The following ATF1 variants were observed in gnomAD, a reference collection of about 807,000 sequenced individuals.
ATF1 encodes the protein cyclic AMP-dependent transcription factor ATF-1.
A neutral mutation model predicts 34.7 loss-of-function variants in ATF1; 16 were observed. The observed-to-expected ratio is 0.46, with a 90% confidence interval of 0.31 to 0.70. The LOEUF is 0.70. ATF1 is among the 30% of genes least tolerant of loss of function. The pLI is 0.05. For synonymous variants in ATF1, 105 were observed against 113.1 expected, an observed-to-expected ratio of 0.93 and a Z score of 0.46; for missense variants, 255 against 321.6, an observed-to-expected ratio of 0.79 and a Z score of 1.58.
intron 3 of ATF1, among the ~76,000 whole-genome samples, chr12:50,808,319 T>G (rs781486613): frequency 4.6e-5 from 7 of 151,930 alleles, no homozygotes; most frequent in Admixed American, 1.3e-4. Flanking sequence ...GTTTTATTGT[T>G]TTTTTTTGTT....
intron 2 of ATF1, among the ~76,000 whole-genome samples, chr12:50,788,005 G>A (rs1941221394): frequency 2.0e-5 from 3 of 152,156 alleles, no homozygotes; most frequent in Non-Finnish European, 2.9e-5. Flanking sequence ...ATGAGTCAAT[G>A]GATCTGGGCT....
At chr12:50,817,585 A>G (rs1289872621) in intron 6 of ATF1, among the ~76,000 whole-genome samples, 1 of 152,188 alleles carries the variant, frequency 6.6e-6, no homozygotes, top group African/African-American at 2.4e-5. Flanking sequence ...GGTACCTCAC[A>G]TACATTACTG....
intron 2 of ATF1, among the ~76,000 whole-genome samples, chr12:50,792,852 T>G (rs1406784615): frequency 2.6e-5 from 4 of 152,174 alleles, no homozygotes; most frequent in African/African-American, 9.7e-5. Flanking sequence ...TACCACATGC[T>G]TTATGGAGGT....
intron 1 of ATF1, among the ~76,000 whole-genome samples, chr12:50,768,178 T>C (rs891937032): frequency 6.6e-6 from 1 of 152,096 alleles, no homozygotes; most frequent in African/African-American, 2.4e-5. Flanking sequence ...CAGCCAGCTT[T>C]TGCACTTCCG....
intron 1 of ATF1, among the ~76,000 whole-genome samples, chr12:50,768,236 T>C: frequency 6.6e-6 from 1 of 152,214 alleles, no homozygotes; most frequent in East Asian, 1.9e-4. Context: ...AAGTCGTTTC[T>C]GGTTTAATAT....
intron 6 of ATF1, 43 bp from the exon 7 acceptor site, chr12:50,819,590 ATG>A: frequency 6.3e-7 from 1 of 1,593,494 alleles, no homozygotes; most frequent in Non-Finnish European, 8.5e-7. Context: ...CATTTAAAGA[ATG>A]TGAAGTTTTT....
chr12:50,764,904 C>T (rs1940593066), intron 1 of ATF1, among the ~76,000 whole-genome samples: 1 of 152,176 alleles, frequency 6.6e-6, no homozygotes, highest in Admixed American at 6.5e-5. Context: ...GGACAGTAGG[C>T]GGCTTTACCC....
chr12:50,787,094 G>GCA (rs1350079577), intron 2 of ATF1, among the ~76,000 whole-genome samples: 1 of 151,996 alleles, frequency 6.6e-6, no homozygotes, highest in Non-Finnish European at 1.5e-5. Flanking sequence ...CCTTCCCTAC[G>GCA]CACACACACA....
intron 2 of ATF1, among the ~76,000 whole-genome samples, chr12:50,795,528 G>T (rs1225092684): frequency 6.6e-6 from 1 of 152,150 alleles, no homozygotes; most frequent in African/African-American, 2.4e-5. Context: ...TATATAACAG[G>T]TTTTTCAAAC....
chr12:50,809,979 G>A (rs952587782), intron 4 of ATF1, among the ~76,000 whole-genome samples: 7 of 151,996 alleles, frequency 4.6e-5, no homozygotes, highest in South Asian at 2.1e-4. Context: ...GATTACAGGC[G>A]TGTGCCACCA....
chr12:50,819,989 A>AAAT lies in ATF1; in HGVS notation c.*211_*213dup, dbSNP rs2139704356. 5.2e-6 allele frequency: 2 copies of AAAT among 384,206 alleles called. No individual in the cohort carries two copies. The highest frequency in any genetic ancestry group is 8.4e-5 in the East Asian group (2 of 23,938). 23.8% of individuals were successfully genotyped at this position (384,206 alleles called of 1,614,324 possible). ...ACGGGCACAACTGGAAGCTTTGTAG[A>AAAT]AATTAAACATATTCAAGGAGCAAGA... On this transcript the variant is annotated 3_prime_UTR_variant, in exon 7 of 7. Coordinates refer to ENST00000262053, the MANE Select transcript of ATF1 (RefSeq NM_005171.5).
At chr12:50,778,749 G>A (rs1424627300) in intron 1 of ATF1, among the ~76,000 whole-genome samples, 2 of 152,074 alleles carry the variant, frequency 1.3e-5, no homozygotes, top group Non-Finnish European at 2.9e-5. Context: ...CACCACCCCT[G>A]GCTAATTTTT....
chr12:50,799,308 C>T lies in ATF1; in HGVS notation c.194+3299C>T, dbSNP rs80012632. ...GCTGAGGGCAGAGGATCACTTGAGC[C>T]CAGGAGGTTGATGCTTCAGTGAGCC... is the stretch of plus-strand genomic sequence containing the variant. On this transcript the variant is annotated intron_variant, in intron 3 of 6. Transcript: ENST00000262053. Among the ~76,000 whole-genome samples the T allele has an allele frequency of 7.6e-3, 1,152 of 152,220 alleles. 4 individuals carry two copies. The highest frequency in any genetic ancestry group is 0.011 in the Non-Finnish European group (767 of 68,004).
At chr12:50,806,479 T>A (rs1274447628) in intron 3 of ATF1, 1 of 280,882 alleles carries the variant, frequency 3.6e-6, no homozygotes, top group African/African-American at 2.1e-5. Context: ...CTCCAGCAGA[T>A]CCATGGGGCT....
intron 3 of ATF1, among the ~76,000 whole-genome samples, chr12:50,796,388 T>G (rs1416422933): frequency 6.6e-6 from 1 of 152,202 alleles, no homozygotes; most frequent in Non-Finnish European, 1.5e-5. Context: ...AGCAAGATCC[T>G]GTCTCCAAGA....
chr12:50,794,867 TG>T (rs1941379635), intron 2 of ATF1, among the ~76,000 whole-genome samples: 1 of 151,874 alleles, frequency 6.6e-6, no homozygotes, highest in Admixed American at 6.6e-5. Flanking sequence ...TACAGTGAGC[TG>T]TCATTGCACC....
Position 50,764,281 on chromosome 12 carries a change from C to G in ATF1, c.-33C>G, listed in dbSNP as rs1315922075. The G allele has an allele frequency of 1.3e-5, 2 of 151,926 alleles. No homozygotes were observed. The highest frequency in any genetic ancestry group is 2.9e-5 in the Non-Finnish European group (2 of 67,906). 9.4% of individuals were successfully genotyped at this position (151,926 alleles called of 1,614,324 possible). On this transcript the variant is annotated 5_prime_UTR_variant, in exon 1 of 7. Coordinates refer to ENST00000262053, the MANE Select transcript of ATF1 (RefSeq NM_005171.5). ...GAGGGGGGAGTGGAAGTTCCCGCCCCGGAGAGCGGCGAGGCGGCAGCCACA... is the reference window on the plus strand; with the variant it reads ...GAGGGGGGAGTGGAAGTTCCCGCCCGGGAGAGCGGCGAGGCGGCAGCCACA...
At position 50,819,989 on chromosome 12, in the gene ATF1, A is replaced by AAATT; in HGVS notation, c.*213_*216dup. 2.6e-6 allele frequency: 1 copy of AAATT among 384,206 alleles called. No homozygotes were observed. Among genetic ancestry groups the AAATT allele is most frequent in the Non-Finnish European group, 4.6e-6 (1 of 216,988 alleles). 23.8% of individuals were successfully genotyped at this position (384,206 alleles called of 1,614,324 possible). ...ACGGGCACAACTGGAAGCTTTGTAGAAATTAAACATATTCAAGGAGCAAGA... is the reference window on the plus strand; with the variant it reads ...ACGGGCACAACTGGAAGCTTTGTAGAAATTAATTAAACATATTCAAGGAGCAAGA... On this transcript the variant is annotated 3_prime_UTR_variant, in exon 7 of 7. Transcript: ENST00000262053.
At chr12:50,774,600 C>G (rs1940864388) in intron 1 of ATF1, among the ~76,000 whole-genome samples, 1 of 152,070 alleles carries the variant, frequency 6.6e-6, no homozygotes, top group Non-Finnish European at 1.5e-5. Flanking sequence ...CATTGTTAAT[C>G]TTAACCTTAA....
Sources: allele counts gnomAD v4.1 joint callset (sites outside exome capture counted in the v4.1 genomes callset), GRCh38; gene constraint gnomAD v4.1.1; transcripts MANE v1.5; gene names NCBI Gene and HGNC (gene_info 2026-07-23, HGNC 2026-07-21).